Variants in DGKB observed in about 807,000 individuals in gnomAD.
DGKB encodes the protein diacylglycerol kinase beta.
DGKB carries 67 observed loss-of-function variants against 114.3 expected under a neutral mutation model. The ratio of observed to expected loss-of-function variants is 0.59; its 90% CI spans 0.48 to 0.72. DGKB has a LOEUF of 0.72. Among genes scored for constraint, DGKB ranks in the 30% least tolerant of loss-of-function variants. The pLI is 0.00. For missense variants in DGKB, 907 were observed against 975.2 expected (o/e 0.93, Z 0.93); for synonymous variants, 398 against 323.1 (o/e 1.23, Z -2.49).
chr7:14,177,901 A>C (rs1441895203), intron 24 of DGKB, 130 bp downstream of exon 24: 1 of 921,752 alleles, frequency 1.1e-6, no homozygotes, highest in Non-Finnish European at 1.5e-6. Context: ...ATTTTGAAAT[A>C]TATTAGTATT....
chr7:14,171,965 G>A (rs1356628765), intron 25 of DGKB, among the ~76,000 whole-genome samples: 4 of 152,244 alleles, frequency 2.6e-5, no homozygotes, highest in Non-Finnish European at 4.4e-5. Context: ...GAATTCCAAC[G>A]TAATGTTGTT....
intron 17 of DGKB, among the ~76,000 whole-genome samples, chr7:14,605,326 T>G (rs1804280535): frequency 6.7e-6 from 1 of 149,534 alleles, no homozygotes; most frequent in Admixed American, 6.7e-5. Flanking sequence ...CGTAAAAAAC[T>G]ATCTACCTAT....
chr7:14,296,125 A>T, intron 23 of DGKB, among the ~76,000 whole-genome samples: 1 of 150,488 alleles, frequency 6.6e-6, no homozygotes, highest in African/African-American at 2.4e-5. Context: ...TCCACCTCCC[A>T]GGTTCAAGCA....
intron 20 of DGKB, among the ~76,000 whole-genome samples, chr7:14,573,754 G>A (rs972178478): frequency 6.8e-6 from 1 of 146,490 alleles, no homozygotes; most frequent in African/African-American, 2.4e-5. Flanking sequence ...AATCACTTGA[G>A]AATAGTAGCA....
intron 25 of DGKB, among the ~76,000 whole-genome samples, chr7:14,168,458 C>T (rs1376166146): frequency 6.6e-6 from 1 of 152,160 alleles, no homozygotes; most frequent in Non-Finnish European, 1.5e-5. Context: ...ATTCGTGAAG[C>T]TCAGTGAAAC....
At chr7:14,851,339 A>G (rs1849322332) in intron 1 of DGKB, among the ~76,000 whole-genome samples, 1 of 152,136 alleles carries the variant, frequency 6.6e-6, no homozygotes, top group Non-Finnish European at 1.5e-5. Flanking sequence ...AATTTGGTTT[A>G]TTATCTTATT....
At chr7:14,951,779 T>A (rs552815457) in intron 1 of DGKB, among the ~76,000 whole-genome samples, 85 of 151,960 alleles carry the variant, frequency 5.6e-4, no homozygotes, top group African/African-American at 2.0e-3. Flanking sequence ...TATATAGAAC[T>A]CTATTTTCTA....
intron 23 of DGKB, among the ~76,000 whole-genome samples, chr7:14,266,765 G>T (rs1303742554): frequency 6.6e-6 from 1 of 151,934 alleles, no homozygotes; most frequent in African/African-American, 2.4e-5. Context: ...AATACACAAA[G>T]GAATATACAA....
intron 22 of DGKB, 126 bp from the exon 23 acceptor site, chr7:14,338,836 G>T: frequency 1.7e-6 from 1 of 574,264 alleles, no homozygotes; most frequent in Non-Finnish European, 2.7e-6. Flanking sequence ...TTCCAAACAA[G>T]CCTTTCAAGA....
intron 5 of DGKB, among the ~76,000 whole-genome samples, chr7:14,723,581 G>C (rs1227439148): frequency 6.7e-6 from 1 of 148,838 alleles, no homozygotes; most frequent in African/African-American, 2.6e-5. Flanking sequence ...GTGTGTGTGT[G>C]TGTATATACA....
chr7:14,900,575 C>A (rs1366602472), intron 1 of DGKB, among the ~76,000 whole-genome samples: 1 of 152,074 alleles, frequency 6.6e-6, no homozygotes, highest in African/African-American at 2.4e-5. Context: ...ACTCTCCGTT[C>A]TTTCAATAGT....
At chr7:14,503,309 G>A (rs546482406) in intron 20 of DGKB, among the ~76,000 whole-genome samples, 1 of 152,194 alleles carries the variant, frequency 6.6e-6, no homozygotes, top group East Asian at 1.9e-4. Context: ...CTCCACATTT[G>A]TGTGTCTGTC....
At chr7:14,919,081 C>CACACACACAA (rs1562875329) in intron 1 of DGKB, among the ~76,000 whole-genome samples, 5 of 130,188 alleles carry the variant, frequency 3.8e-5, no homozygotes, top group African/African-American at 1.5e-4. Context: ...CACACACACA[C>CACACACACAA]ACACACACAC....
intron 20 of DGKB, among the ~76,000 whole-genome samples, chr7:14,512,456 C>G (rs550287387): frequency 3.9e-5 from 6 of 152,136 alleles, no homozygotes; most frequent in Non-Finnish European, 7.4e-5. Flanking sequence ...TAGCCTTACT[C>G]TTAAAGTTCA....
intron 20 of DGKB, among the ~76,000 whole-genome samples, chr7:14,557,912 G>C (rs1424509954): frequency 6.6e-6 from 1 of 151,494 alleles, no homozygotes; most frequent in Non-Finnish European, 1.5e-5. Flanking sequence ...AACATTGGTT[G>C]ATTATTTTAT....
intron 25 of DGKB, among the ~76,000 whole-genome samples, chr7:14,150,854 T>C (rs1045260588): frequency 1.9e-4 from 29 of 152,144 alleles, no homozygotes; most frequent in Admixed American, 1.8e-3. Context: ...GCATCATTCA[T>C]CATTTATTCA....
intron 2 of DGKB, among the ~76,000 whole-genome samples, chr7:14,798,978 C>T (rs988396633): frequency 8.5e-5 from 13 of 152,190 alleles, no homozygotes; most frequent in African/African-American, 9.7e-5. Flanking sequence ...GAAATTAGTG[C>T]CATCATCAAG....
intron 21 of DGKB, among the ~76,000 whole-genome samples, chr7:14,406,955 T>C (rs1022645952): frequency 1.5e-4 from 23 of 152,118 alleles, no homozygotes; most frequent in Admixed American, 1.3e-3. Flanking sequence ...CAAGTGATTA[T>C]GGGTTCTGTA....
At chr7:14,818,484 T>C (rs973819163) in intron 2 of DGKB, among the ~76,000 whole-genome samples, 1 of 152,140 alleles carries the variant, frequency 6.6e-6, no homozygotes, top group African/African-American at 2.4e-5. Flanking sequence ...AACAGCCCAC[T>C]ATACTTCTGC....
Sources: gnomAD v4.1 joint callset for allele counts (sites outside exome capture counted in the v4.1 genomes callset) on GRCh38, gnomAD v4.1.1 for gene constraint, MANE v1.5 for transcripts, NCBI Gene and HGNC (gene_info 2026-07-23, HGNC 2026-07-21) for gene names.